HHLA2: variants seen among roughly 807,000 people sequenced by gnomAD.
HHLA2 encodes HERV-H LTR-associating protein 2.
Under a neutral mutation model 45.9 loss-of-function variants are expected in HHLA2, and 48 were observed. That is an observed-to-expected ratio of 1.05 (90% confidence interval 0.83 to 1.33). The LOEUF (loss-of-function observed/expected upper bound fraction) is 1.33, where lower values mean the gene tolerates loss of function less well. HHLA2 is among the 40% of genes most tolerant of loss of function. The probability of loss-of-function intolerance (pLI) is 0.00; values close to 1 mark genes in which losing one functional copy is unlikely to be tolerated. For synonymous variants in HHLA2, 161 were observed against 173.9 expected, an observed-to-expected ratio of 0.93 and a Z score of 0.59; for missense variants, 462 against 494.3, an observed-to-expected ratio of 0.93 and a Z score of 0.62.
chr3:108,363,561 A>G (rs762490858), intron 8 of HHLA2, among the ~76,000 whole-genome samples: 7 of 152,284 alleles, frequency 4.6e-5, no homozygotes, highest in Non-Finnish European at 7.4e-5. Flanking sequence ...CATTTCACCA[A>G]TTCTAGCCCT....
chr3:108,328,134 A>G, intron 2 of HHLA2: 1 of 507,088 alleles, frequency 2.0e-6, no homozygotes. Flanking sequence ...CTCTGTCTCG[A>G]AGAAAAAAAA....
chr3:108,354,603 A>G (rs1434518989), intron 5 of HHLA2, among the ~76,000 whole-genome samples: 2 of 152,086 alleles, frequency 1.3e-5, no homozygotes, highest in African/African-American at 4.8e-5. Context: ...ACATATAGAT[A>G]TATATACACA....
intron 8 of HHLA2, among the ~76,000 whole-genome samples, chr3:108,373,699 G>A (rs1325344603): frequency 9.6e-4 from 145 of 151,484 alleles, no homozygotes; most frequent in African/African-American, 8.7e-4. Context: ...CAAACAGAGA[G>A]CCAAATCATG....
chr3:108,340,951 T>C (rs10933939), intron 3 of HHLA2, among the ~76,000 whole-genome samples: 5,074 of 101,712 alleles, frequency 0.05, 186 homozygotes, highest in East Asian at 0.15. Context: ...TTCCTTCCTT[T>C]CTTTCTTTCT....
Position 108,305,721 on chromosome 3 carries a change from G to C in HHLA2, c.-191-4934G>C, listed in dbSNP as rs181319525. On this transcript the variant is annotated intron_variant, in intron 1 of 10. Transcript: ENST00000619531. ...CTCTCAGGGCAAATGACTCAACAGA[G>C]CCTCACAGTGACAGTTAAGGTCAGT... Among the ~76,000 whole-genome samples, 19 of 152,296 alleles carry C rather than the reference G, an allele frequency of 1.2e-4. No homozygotes were observed. The East Asian group carries it at 3.7e-3, about 29-fold the overall frequency.
At chr3:108,359,515 G>T (rs1312174625) in intron 7 of HHLA2, among the ~76,000 whole-genome samples, 1 of 152,094 alleles carries the variant, frequency 6.6e-6, no homozygotes, top group Non-Finnish European at 1.5e-5. Flanking sequence ...CAACAAGATG[G>T]GGGGTACTTA....
exon 5 of HHLA2, chr3:108,353,677 G>A (rs2124740): frequency 0.057 from 91,320 of 1,613,354 alleles, 8,908 homozygotes; most frequent in East Asian, 0.47. Flanking sequence ...GGAATGCGTC[G>A]CTATTTTTCA....
intron 8 of HHLA2, among the ~76,000 whole-genome samples, chr3:108,366,903 A>AAT (rs1184189228): frequency 4.0e-5 from 6 of 151,858 alleles, no homozygotes; most frequent in African/African-American, 1.4e-4. Context: ...CTATTTTGTT[A>AAT]ATCTTTTCAA....
intron 1 of HHLA2, among the ~76,000 whole-genome samples, chr3:108,301,845 T>A (rs2080855012): frequency 6.6e-6 from 1 of 152,182 alleles, no homozygotes; most frequent in Admixed American, 6.6e-5. Context: ...CTATTGTTTC[T>A]CTTCTGCTTC....
chr3:108,300,558 G>A (rs1250115032), intron 1 of HHLA2, among the ~76,000 whole-genome samples: 3 of 152,302 alleles, frequency 2.0e-5, no homozygotes, highest in South Asian at 2.1e-4. Context: ...AATAAGAAGC[G>A]CTGGTGAAGC....
chr3:108,357,435 G>C (rs1426805112), intron 6 of HHLA2, among the ~76,000 whole-genome samples: 2 of 152,192 alleles, frequency 1.3e-5, no homozygotes, highest in Admixed American at 6.5e-5. Context: ...ATAAAAGTTA[G>C]AGACCACTAG....
chr3:108,363,131 G>C (rs913660648), intron 8 of HHLA2, among the ~76,000 whole-genome samples: 8 of 152,150 alleles, frequency 5.3e-5, no homozygotes, highest in Non-Finnish European at 1.2e-4. Context: ...ATGATCATGG[G>C]AAGTACTTTT....
chr3:108,309,797 A>G (rs921326093), intron 1 of HHLA2, among the ~76,000 whole-genome samples: 3 of 152,042 alleles, frequency 2.0e-5, no homozygotes, highest in Admixed American at 2.0e-4. Flanking sequence ...TTTTTCCCCC[A>G]TGCTCTGGTT....
At chr3:108,376,889 C>T (rs1463427) in intron 10 of HHLA2, 25,898 of 334,736 alleles carry the variant, frequency 0.077, 3,215 homozygotes, top group East Asian at 0.47. Flanking sequence ...GGATTGTATA[C>T]AAGTGGAAAG....
At chr3:108,352,890 AT>A (rs1203657672) in intron 4 of HHLA2, among the ~76,000 whole-genome samples, 3 of 152,182 alleles carry the variant, frequency 2.0e-5, no homozygotes, top group African/African-American at 7.2e-5. Context: ...CCTCCTGCTC[AT>A]GTCCTTCCCT....
At chr3:108,330,265 A>G (rs904419330) in intron 3 of HHLA2, among the ~76,000 whole-genome samples, 3 of 152,146 alleles carry the variant, frequency 2.0e-5, no homozygotes, top group Admixed American at 2.0e-4. Flanking sequence ...ACTATACAAG[A>G]GTCTGGATAC....
intron 6 of HHLA2, among the ~76,000 whole-genome samples, chr3:108,355,794 A>G (rs1375054306): frequency 2.6e-5 from 4 of 152,186 alleles, no homozygotes; most frequent in African/African-American, 9.6e-5. Context: ...ACAACTTCCA[A>G]TCTTACAATT....
exon 6 of HHLA2, chr3:108,355,326 T>C: frequency 1.9e-6 from 3 of 1,613,940 alleles, no homozygotes; most frequent in Non-Finnish European, 2.5e-6. Flanking sequence ...CTTATGAATG[T>C]ACAATTGAAA....
At chr3:108,351,559 T>A (rs570590101) in intron 3 of HHLA2, among the ~76,000 whole-genome samples, 1 of 152,292 alleles carries the variant, frequency 6.6e-6, no homozygotes, top group African/African-American at 2.4e-5. Context: ...TATCCTATGA[T>A]CAGAAATGTG....
Sources: gnomAD v4.1 joint callset for allele counts (sites outside exome capture counted in the v4.1 genomes callset) on GRCh38, gnomAD v4.1.1 for gene constraint, MANE v1.5 for transcripts, NCBI Gene and HGNC (gene_info 2026-07-23, HGNC 2026-07-21) for gene names.